The following AKIRIN2 variants were observed in gnomAD, a reference collection of about 807,000 sequenced individuals.
AKIRIN2 encodes the protein akirin-2.
AKIRIN2 carries 6 observed loss-of-function variants against 29.3 expected under a neutral mutation model. The observed-to-expected ratio is 0.20, with a 90% confidence interval of 0.11 to 0.40. AKIRIN2 has a LOEUF of 0.40. Among genes scored for constraint, AKIRIN2 ranks in the 10% least tolerant of loss-of-function variants. The probability of loss-of-function intolerance (pLI) is 1.00; values close to 1 mark genes in which losing one functional copy is unlikely to be tolerated. For missense variants in AKIRIN2, 210 were observed against 276.1 expected (o/e 0.76, Z 1.70); for synonymous variants, 128 against 117.5 (o/e 1.09, Z -0.58).
At chr6:87,685,723 T>G (rs140176486) in intron 1 of AKIRIN2, among the ~76,000 whole-genome samples, 455 of 152,308 alleles carry the variant, frequency 3.0e-3, no homozygotes, top group African/African-American at 0.01. Flanking sequence ...CTATATATTC[T>G]TTTTCTAAAT....
In AKIRIN2 at chr6:87,680,770, C is replaced by A. The variant is rs987882423; in HGVS notation, c.379+850G>T. Among the ~76,000 whole-genome samples the A allele has an allele frequency of 1.3e-3, 32 of 23,710 alleles. No homozygotes were observed. In the South Asian group the frequency reaches 0.046, roughly 34 times the overall value. 15.6% of individuals were successfully genotyped at this position (23,710 alleles called of 152,430 possible). ...AAGTAGCCCTTATTCCCCGCCCCCC[C>A]CCTTTTTTTTTTTTTTAAAAAAAAG... On this transcript the variant is annotated intron_variant, in intron 2 of 4. Transcript: ENST00000257787.
At chr6:87,697,064 T>C (rs889973649) in intron 1 of AKIRIN2, among the ~76,000 whole-genome samples, 1 of 150,982 alleles carries the variant, frequency 6.6e-6, no homozygotes, top group African/African-American at 2.4e-5. Context: ...ATCCCAGCAC[T>C]GTGTGAGGCC....
rs1770950617 is a variant in AKIRIN2, at chr6:87,675,362, G to C, written c.*235C>G. 1 of 549,484 alleles carries C rather than the reference G, an allele frequency of 1.8e-6. No individual in the cohort carries two copies. The highest frequency in any genetic ancestry group is 1.9e-5 in the African/African-American group (1 of 53,342). The allele number at this position is 549,484 out of a possible 1,614,324, so 34.0% of individuals were successfully genotyped here. On this transcript the variant is annotated 3_prime_UTR_variant, in exon 5 of 5. Coordinates refer to ENST00000257787, the MANE Select transcript of AKIRIN2 (RefSeq NM_018064.4). The stretch of plus-strand genomic sequence containing the variant: ...TAAGAAGCCAAATTGTAATGATACA[G>C]CAAAATGAGGCCACTGGTATTAATA...
chr6:87,680,377 G>C (rs1423145274), intron 2 of AKIRIN2, among the ~76,000 whole-genome samples: 2 of 146,408 alleles, frequency 1.4e-5, no homozygotes, highest in Admixed American at 7.0e-5. Context: ...TGCCTCCCGG[G>C]TTCATGCCAT....
chr6:87,679,355 C>T (rs1187217523), intron 2 of AKIRIN2, among the ~76,000 whole-genome samples: 1 of 143,386 alleles, frequency 7.0e-6, no homozygotes, highest in Non-Finnish European at 1.5e-5. Flanking sequence ...CAAACCATGT[C>T]TCTAATAAAA....
At position 87,681,723 on chromosome 6, in the gene AKIRIN2, C is replaced by A. The variant is rs757849354; in HGVS notation, c.276G>T (p.Met92Ile). The A allele has an allele frequency of 1.2e-6, 2 of 1,611,180 alleles. No individual in the cohort carries two copies. Among genetic ancestry groups the A allele is most frequent in the Non-Finnish European group, 1.7e-6 (2 of 1,177,984 alleles). The change falls in exon 2 of 5, where the codon ATG (methionine) becomes ATT (isoleucine). Residue 92 changes from methionine (M) to isoleucine (I), a missense_variant. Physicochemically the swap from Met to Ile is conservative, Grantham distance 10 (BLOSUM62 1). Transcript: ENST00000257787. ...TCGTTTCTAAATGTCTTCTCTTCTGCATTCGTTTATACTCTTGTTTTATGT... is the reference window on the plus strand; with the variant it reads ...TCGTTTCTAAATGTCTTCTCTTCTGAATTCGTTTATACTCTTGTTTTATGT... ...LYNIKQEYKR[M>I]QKRRHLETSF... is the part of the protein sequence containing the mutation.
chr6:87,678,914 T>A (rs1771070833), intron 2 of AKIRIN2, among the ~76,000 whole-genome samples: 2 of 151,930 alleles, frequency 1.3e-5, no homozygotes, highest in African/African-American at 4.8e-5. Flanking sequence ...GGCAGGCGGA[T>A]CACCTGAGGT....
At chr6:87,685,230 AAAC>A (rs1346614448) in intron 1 of AKIRIN2, among the ~76,000 whole-genome samples, 2 of 152,252 alleles carry the variant, frequency 1.3e-5, no homozygotes, top group African/African-American at 4.8e-5. Context: ...CACAAGTAGC[AAAC>A]AGCTAACTGC....
At chr6:87,698,309 G>A (rs753737371) in intron 1 of AKIRIN2, among the ~76,000 whole-genome samples, 2 of 151,130 alleles carry the variant, frequency 1.3e-5, no homozygotes, top group Non-Finnish European at 2.9e-5. Flanking sequence ...TGGAGTTTTC[G>A]GGGCAATATA....
intron 1 of AKIRIN2, among the ~76,000 whole-genome samples, chr6:87,688,058 G>C (rs955200331): frequency 6.6e-6 from 1 of 152,116 alleles, no homozygotes; most frequent in East Asian, 1.9e-4. Context: ...TTTGATCCCA[G>C]GAGTGCCAGG....
intron 1 of AKIRIN2, among the ~76,000 whole-genome samples, chr6:87,690,320 A>G (rs1562399612): frequency 6.6e-6 from 1 of 152,232 alleles, no homozygotes; most frequent in East Asian, 1.9e-4. Flanking sequence ...GCAAGACATT[A>G]GCAGCAAGGT....
intron 1 of AKIRIN2, among the ~76,000 whole-genome samples, chr6:87,699,806 A>G (rs1267797761): frequency 6.6e-6 from 1 of 152,208 alleles, no homozygotes; most frequent in African/African-American, 2.4e-5. Flanking sequence ...CATGCCCAAG[A>G]TTATTTTGAC....
chr6:87,678,374 C>A (rs1339879587), intron 2 of AKIRIN2, among the ~76,000 whole-genome samples: 1 of 151,922 alleles, frequency 6.6e-6, no homozygotes, highest in Non-Finnish European at 1.5e-5. Flanking sequence ...TGGTGGCGGG[C>A]ACCTGTAATC....
rs547277111 is a variant in AKIRIN2, at chr6:87,694,533, TAGA to T, written c.235+6914_235+6916del. ...CATAAGGGTTCGAACAAGTGACTTC[TAGA>T]AGAAGAATTTAAATGTTTTAATAAT... On this transcript the variant is annotated intron_variant, in intron 1 of 4. Coordinates refer to ENST00000257787, the MANE Select transcript of AKIRIN2 (RefSeq NM_018064.4). 2.6e-3 allele frequency among the ~76,000 whole-genome samples: 400 copies of T among 152,286 alleles called. 2 individuals carry two copies. Among genetic ancestry groups the T allele is most frequent in the Non-Finnish European group, 4.6e-3 (313 of 68,022 alleles).
intron 1 of AKIRIN2, among the ~76,000 whole-genome samples, chr6:87,683,181 T>TACC (rs1355418090): frequency 6.6e-6 from 1 of 152,202 alleles, no homozygotes; most frequent in Non-Finnish European, 1.5e-5. Flanking sequence ...CAGTTAAAGA[T>TACC]ACCATTTACA....
Position 87,684,928 on chromosome 6 carries a change from C to A in AKIRIN2, c.236-3165G>T, listed in dbSNP as rs574097182. 3.9e-5 allele frequency among the ~76,000 whole-genome samples: 6 copies of A among 152,186 alleles called. No homozygotes were observed. The East Asian group carries it at 1.2e-3, about 29-fold the overall frequency. On this transcript the variant is annotated intron_variant, in intron 1 of 4. Coordinates refer to ENST00000257787, the MANE Select transcript of AKIRIN2 (RefSeq NM_018064.4). ...TGGCAAATGAAGGGTTTATTTTGTT[C>A]TTACAAAATAAAATTGCTAAACCAT...
intron 2 of AKIRIN2, among the ~76,000 whole-genome samples, chr6:87,681,015 C>CT (rs1213200823): frequency 6.6e-6 from 1 of 151,878 alleles, no homozygotes; most frequent in Non-Finnish European, 1.5e-5. Flanking sequence ...ACATCTATAC[C>CT]TAACAAAGGA....
chr6:87,697,533 T>A (rs1314860372), intron 1 of AKIRIN2, among the ~76,000 whole-genome samples: 1 of 152,194 alleles, frequency 6.6e-6, no homozygotes, highest in East Asian at 1.9e-4. Context: ...TTAACAGCTG[T>A]CTAAATAACC....
intron 4 of AKIRIN2, 63 bp downstream of exon 4, chr6:87,675,797 A>G: frequency 6.6e-7 from 1 of 1,511,190 alleles, no homozygotes. Flanking sequence ...AAATAATTAT[A>G]ATGTCTTCTC....
Sources: allele counts gnomAD v4.1 joint callset (sites outside exome capture counted in the v4.1 genomes callset), GRCh38; gene constraint gnomAD v4.1.1; transcripts MANE v1.5; gene names NCBI Gene and HGNC (gene_info 2026-07-23, HGNC 2026-07-21).